LILRB3: variants seen among roughly 807,000 people sequenced by gnomAD.
The protein encoded by LILRB3 is leukocyte immunoglobulin-like receptor subfamily B member 3.
A neutral mutation model predicts 68.2 loss-of-function variants in LILRB3; 32 were observed. The observed-to-expected ratio is 0.47, with a 90% CI of 0.35 to 0.63. The LOEUF is 0.63. Among genes scored for constraint, LILRB3 ranks in the 30% least tolerant of loss-of-function variants. The probability of loss-of-function intolerance (pLI) is 0.00; values close to 1 mark genes in which losing one functional copy is unlikely to be tolerated. For synonymous variants in LILRB3, 185 were observed against 323.1 expected, an observed-to-expected ratio of 0.57 and a Z score of 4.58; for missense variants, 502 against 791.3, an observed-to-expected ratio of 0.63 and a Z score of 4.39.
At chr19:54,219,881 C>A in intron 7 of LILRB3, 1 of 1,549,452 alleles carries the variant, frequency 6.5e-7, no homozygotes, top group South Asian at 1.2e-5. Flanking sequence ...TTCTGAGGGC[C>A]TGACCCTGGG....
At chr19:54,218,658 C>T (rs750290460) in exon 10 of LILRB3, 1 of 1,614,172 alleles carries the variant, frequency 6.2e-7, no homozygotes, top group Non-Finnish European at 8.5e-7. Context: ...GGTTTTCTTC[C>T]TGGACGTCAG....
At chr19:54,221,982 G>A in exon 4 of LILRB3, 1 of 1,609,188 alleles carries the variant, frequency 6.2e-7, no homozygotes, top group Middle Eastern at 1.7e-4. Flanking sequence ...GCTGCTGTGA[G>A]TCCAGGGTCC....
intron 1 of LILRB3, 42 bp downstream of exon 1, chr19:54,222,901 C>T (rs1367002180): frequency 6.2e-7 from 1 of 1,612,418 alleles, no homozygotes; most frequent in Non-Finnish European, 8.5e-7. Context: ...GGTGGGGTTC[C>T]TCCAAGACTC....
Position 54,217,390 on chromosome 19 carries a change from A to C in LILRB3, c.1678T>G (p.Ser560Ala), listed in dbSNP as rs745459438. The change falls in exon 12 of 13, where the codon TCC becomes GCC. Residue 560 changes from serine (S) to alanine (A), a missense_variant. Transcript: ENST00000445347. ...TCCAGGAATTCCCCAGACAGTGAGG[A>C]GGGAGGAGAGGCCATTTCTCTCCTA... is the stretch of plus-strand genomic sequence containing the variant. 3.8e-6 allele frequency: 6 copies of C among 1,596,024 alleles called. No individual in the cohort carries two copies. In the East Asian group the frequency reaches 1.1e-4, roughly 30 times the overall value.
At position 54,222,106 on chromosome 19, in the gene LILRB3, G is replaced by T; in HGVS notation, c.380C>A (p.Ser127Ter). Reference sequence around the variant, plus strand: ...GGCCACCACAGGGCTGGGCAGGGCTGAGAGGGTGGGTTTGTTGTAGAATCC... The same window carrying T: ...GGCCACCACAGGGCTGGGCAGGGCTTAGAGGGTGGGTTTGTTGTAGAATCC... Residue 127 changes from serine (S) to a stop codon, truncating the protein, a stop_gained, in exon 4 of 13, where the codon TCA becomes TAA. Transcript: ENST00000445347. LOFTEE classifies it high-confidence loss of function. 1 of 1,609,280 alleles carries T rather than the reference G, an allele frequency of 6.2e-7. No individual in the cohort carries two copies. The highest frequency in any genetic ancestry group is 8.5e-7 in the Non-Finnish European group (1 of 1,179,148).
intron 11 of LILRB3, 42 bp from the exon 12 acceptor site, chr19:54,217,516 CCT>C (rs1354766007): frequency 6.3e-7 from 1 of 1,577,116 alleles, no homozygotes; most frequent in South Asian, 1.1e-5. Context: ...CTTGAGTCCC[CCT>C]GACCTCCTGG....
chr19:54,221,136 T>C (rs1287351877), exon 5 of LILRB3: 3 of 1,147,234 alleles, frequency 2.6e-6, no homozygotes, highest in East Asian at 8.0e-5. Context: ...GGAGGAGAGG[T>C]TGTGTGCACC....
chr19:54,220,628 C>CA lies in LILRB3; in HGVS notation c.1157dup (p.Thr387AspfsTer26), dbSNP rs1217622221. The CA allele has an allele frequency of 6.5e-7, 1 of 1,535,318 alleles. No homozygotes were observed. Among genetic ancestry groups the CA allele is most frequent in the Non-Finnish European group, 8.8e-7 (1 of 1,138,368 alleles). Reference sequence around the variant, plus strand: ...TGTAGGTCCCCGCGTGGGCTGAGGTCACAGGACTCATGGGGAATTCAGCCT... The same window carrying CA: ...TGTAGGTCCCCGCGTGGGCTGAGGTCAACAGGACTCATGGGGAATTCAGCCT... On this transcript the variant is annotated frameshift_variant, in exon 6 of 13. Transcript: ENST00000445347. LOFTEE classifies it high-confidence loss of function.
chr19:54,218,394 T>C (rs1465147329), exon 11 of LILRB3: 2 of 1,614,168 alleles, frequency 1.2e-6, no homozygotes, highest in Admixed American at 1.7e-5. Flanking sequence ...CCTCAGACTG[T>C]GTGTCCTTCA....
At chr19:54,220,481 C>T (rs1178143725) in intron 6 of LILRB3, 47 bp downstream of exon 6, 26 of 1,285,264 alleles carry the variant, frequency 2.0e-5, no homozygotes, top group African/African-American at 3.2e-5. Flanking sequence ...GGGCCTGGGC[C>T]GGAGCTGAGC....
intron 4 of LILRB3, 176 bp downstream of exon 4, chr19:54,221,652 C>A: frequency 1.3e-6 from 2 of 1,585,400 alleles, no homozygotes; most frequent in Non-Finnish European, 1.7e-6. Context: ...TCCAGGTGAA[C>A]GTGGTCAAGG....
intron 11 of LILRB3, among the ~76,000 whole-genome samples, chr19:54,217,970 C>T (rs1012384953): frequency 6.1e-5 from 9 of 148,498 alleles, no homozygotes; most frequent in Non-Finnish European, 1.2e-4. Context: ...GAGGCGGGGG[C>T]GGCTTTGCTC....
exon 11 of LILRB3, chr19:54,218,390 A>C: frequency 6.2e-7 from 1 of 1,614,082 alleles, no homozygotes; most frequent in Non-Finnish European, 8.5e-7. Flanking sequence ...CTGTCCTCAG[A>C]CTGTGTGTCC....
chr19:54,222,474 C>A, exon 3 of LILRB3: 1 of 1,606,818 alleles, frequency 6.2e-7, no homozygotes, highest in Non-Finnish European at 8.5e-7. Context: ...CCTGGGCCTC[C>A]AGGCTCCCCT....
At chr19:54,219,273 A>G (rs779943963) in intron 7 of LILRB3, 28 bp from the exon 8 acceptor site, 14 of 1,526,672 alleles carry the variant, frequency 9.2e-6, no homozygotes, top group African/African-American at 1.4e-5. Flanking sequence ...AGGAGTGGGA[A>G]TGATGTCATT....
chr19:54,219,809 A>T, intron 7 of LILRB3: 1 of 1,523,116 alleles, frequency 6.6e-7, no homozygotes, highest in South Asian at 1.2e-5. Context: ...AACCTAGGAC[A>T]GAACCCACCC....
exon 5 of LILRB3, chr19:54,221,166 C>T: frequency 7.5e-7 from 1 of 1,327,470 alleles, no homozygotes; most frequent in Non-Finnish European, 1.0e-6. Context: ...GTACTGGCCC[C>T]CGTAGGAGCG....
Position 54,221,171 on chromosome 19 carries a change from G to T in LILRB3, c.867C>A (p.Ser289=). ...CATAGCACCTGTACTGGCCCCCGTA[G>T]GAGCGGCTCACAGGGCCCAGGGTGA... Residue 289 remains serine (S), a synonymous_variant, in exon 5 of 13, where the codon TCC becomes TCA. Coordinates refer to ENST00000445347, the Ensembl canonical transcript of LILRB3. 3 of 1,395,878 alleles carry T rather than the reference G, an allele frequency of 2.1e-6. 1 individual carries two copies. The South Asian group carries it at 3.5e-5, about 16-fold the overall frequency. 86.5% of individuals were successfully genotyped at this position (1,395,878 alleles called of 1,614,324 possible).
chr19:54,219,606 T>C, intron 7 of LILRB3: 1 of 1,540,210 alleles, frequency 6.5e-7, no homozygotes, highest in Non-Finnish European at 8.8e-7. Context: ...CTGCTGCAGG[T>C]GGGACGGGAC....
Sources: allele counts gnomAD v4.1 joint callset (sites outside exome capture counted in the v4.1 genomes callset), GRCh38; gene constraint gnomAD v4.1.1; transcripts MANE v1.5; gene names NCBI Gene and HGNC (gene_info 2026-07-23, HGNC 2026-07-21).